ZFC3H1: variants seen among roughly 807,000 people sequenced by gnomAD.
ZFC3H1 encodes zinc finger C3H1 domain-containing protein.
In ZFC3H1, 71 loss-of-function variants were observed where a neutral mutation model predicts 243.7. The observed-to-expected ratio is 0.29, with a 90% CI of 0.24 to 0.36. The LOEUF (loss-of-function observed/expected upper bound fraction) is 0.36, where lower values mean the gene tolerates loss of function less well. Among genes scored for constraint, ZFC3H1 ranks in the 10% least tolerant of loss-of-function variants. The pLI, the probability that ZFC3H1 is intolerant of heterozygous loss-of-function variation, is 1.00. For missense variants in ZFC3H1, 1,966 were observed against 2,317.1 expected (o/e 0.85, Z 3.11); for synonymous variants, 838 against 813.0 (o/e 1.03, Z -0.52).
chr12:71,629,666 A>C lies in ZFC3H1; in HGVS notation c.3769T>G (p.Ser1257Ala), dbSNP rs370214739. ...KLFGVNKDRMSMDQMAVLLVS... is the reference protein window; with the variant it reads ...KLFGVNKDRMAMDQMAVLLVS... ...AGGAGAACAGCCATCTGGTCCATTG[A>C]CATTCGATCTTTGTTTACTCCAAAA... is the stretch of plus-strand genomic sequence containing the variant. The change falls in exon 19 of 35, where the codon TCA becomes GCA. Residue 1257 changes from serine (S) to alanine (A), a missense_variant. Physicochemically the swap from Ser to Ala is moderately conservative, Grantham distance 99. Around this residue, in one of 4 missense-constraint regions of ZFC3H1, gnomAD observed 1,383 missense variants for 1,723.7 expected, o/e 0.80. Coordinates refer to ENST00000378743, the MANE Select transcript of ZFC3H1 (RefSeq NM_144982.5). 2.0e-5 allele frequency: 33 copies of C among 1,613,422 alleles called. No homozygotes were observed. The highest frequency in any genetic ancestry group is 1.0e-4 in the Admixed American group (6 of 59,966).
rs1281134769 is a variant in ZFC3H1, at chr12:71,644,070, G to C, written c.1503+25C>G. 2.5e-6 allele frequency: 4 copies of C among 1,583,946 alleles called. No homozygotes were observed. In the Admixed American group the frequency reaches 6.8e-5, roughly 27 times the overall value. ...TTAAGGAAACTTAGAGTAACGTTTTGATTTTATATTTTTGCATTTCTTACT... is the reference window on the plus strand; with the variant it reads ...TTAAGGAAACTTAGAGTAACGTTTTCATTTTATATTTTTGCATTTCTTACT... On this transcript the variant is annotated intron_variant, in intron 5 of 34. Transcript: ENST00000378743.
chr12:71,659,489 C>T (rs542849562), intron 1 of ZFC3H1, among the ~76,000 whole-genome samples: 7 of 152,148 alleles, frequency 4.6e-5, no homozygotes, highest in Admixed American at 2.6e-4. Flanking sequence ...CTCCCTTCCC[C>T]TCTTACACAC....
chr12:71,612,778 T>C (rs562139709), intron 31 of ZFC3H1, among the ~76,000 whole-genome samples: 4 of 152,168 alleles, frequency 2.6e-5, no homozygotes, highest in African/African-American at 4.8e-5. Flanking sequence ...AGCATAATTC[T>C]TGCGGATGAA....
At chr12:71,662,567 G>A (rs1881211599) in intron 1 of ZFC3H1, among the ~76,000 whole-genome samples, 1 of 142,682 alleles carries the variant, frequency 7.0e-6, no homozygotes, top group Admixed American at 7.3e-5. Context: ...AAATAGTGCA[G>A]GACTGTGCAG....
At chr12:71,644,797 G>T in intron 4 of ZFC3H1, 80 bp downstream of exon 4, 4 of 1,498,916 alleles carry the variant, frequency 2.7e-6, no homozygotes, top group South Asian at 1.3e-5. Flanking sequence ...CAGCCTGGGC[G>T]ACAAGAGCAA....
intron 22 of ZFC3H1, among the ~76,000 whole-genome samples, chr12:71,624,911 G>T (rs1218570335): frequency 6.6e-6 from 1 of 152,176 alleles, no homozygotes; most frequent in Non-Finnish European, 1.5e-5. Flanking sequence ...AGGTTGCAGT[G>T]AGCCAACATC....
intron 24 of ZFC3H1, among the ~76,000 whole-genome samples, chr12:71,622,250 G>A (rs1880049126): frequency 6.6e-6 from 1 of 151,998 alleles, no homozygotes; most frequent in African/African-American, 2.4e-5. Flanking sequence ...ATCCTTACAG[G>A]CCCTTAGGAG....
At chr12:71,645,805 T>A (rs907170586) in intron 3 of ZFC3H1, among the ~76,000 whole-genome samples, 13 of 152,172 alleles carry the variant, frequency 8.5e-5, no homozygotes, top group African/African-American at 1.7e-4. Context: ...CGAAATAGTT[T>A]AAAAAATTAA....
rs1390587615 is a variant in ZFC3H1, at chr12:71,645,108, T to A, written c.1081-33A>T. On this transcript the variant is annotated intron_variant, in intron 3 of 34. Transcript: ENST00000378743. ...GCAAAAAGAAAGAGCTAAAATTTTT[T>A]AATTCTATTATTTAGCTTACACATT... 2.6e-6 allele frequency: 4 copies of A among 1,531,828 alleles called. No homozygotes were observed. The Admixed American group carries it at 6.8e-5, about 26-fold the overall frequency. The allele number at this position is 1,531,828 out of a possible 1,614,324, so 94.9% of individuals were successfully genotyped here.
Position 71,611,757 on chromosome 12 carries a change from T to C in ZFC3H1, c.5729+29A>G, listed in dbSNP as rs996581528. 19 of 1,517,642 alleles carry C rather than the reference T, an allele frequency of 1.3e-5. No homozygotes were observed. In the Middle Eastern group the frequency reaches 5.5e-4, roughly 44 times the overall value. The allele number at this position is 1,517,642 out of a possible 1,614,324, so 94.0% of individuals were successfully genotyped here. A position where few individuals can be genotyped will look rare whatever the true frequency, so the allele number is the denominator to read the frequency against. On this transcript the variant is annotated intron_variant, in intron 32 of 34. Coordinates refer to ENST00000378743, the MANE Select transcript of ZFC3H1 (RefSeq NM_144982.5). The stretch of plus-strand genomic sequence containing the variant: ...ACCTTATAAATAAAAGCAATAGCTA[T>C]AAAAACATGTACATGATTGTTGCAT...
At chr12:71,642,231 AG>A (rs2086693038) in intron 6 of ZFC3H1, among the ~76,000 whole-genome samples, 5 of 152,348 alleles carry the variant, frequency 3.3e-5, no homozygotes, top group African/African-American at 1.2e-4. Context: ...AAGGCTATCT[AG>A]AAACACTCGG....
At position 71,644,587 on chromosome 12, in the gene ZFC3H1, C is replaced by T. The variant is rs143484840; in HGVS notation, c.1280-269G>A. Among the ~76,000 whole-genome samples the T allele has an allele frequency of 2.4e-4, 37 of 152,232 alleles. No homozygotes were observed. The East Asian group carries it at 5.2e-3, about 21-fold the overall frequency. On this transcript the variant is annotated intron_variant, in intron 4 of 34. Coordinates refer to ENST00000378743, the MANE Select transcript of ZFC3H1 (RefSeq NM_144982.5). ...ATCCCAGCACTTTGGGAGGCTGAGG[C>T]GAGTGGATCACCTGACGTCAGGAGT... is the stretch of plus-strand genomic sequence containing the variant.
intron 3 of ZFC3H1, among the ~76,000 whole-genome samples, chr12:71,645,849 A>G (rs920702327): frequency 6.6e-6 from 1 of 152,254 alleles, no homozygotes; most frequent in Non-Finnish European, 1.5e-5. Context: ...AATAGAACTG[A>G]AAAATGTCAG....
intron 24 of ZFC3H1, 135 bp downstream of exon 24, chr12:71,623,225 G>A: frequency 1.3e-6 from 1 of 746,298 alleles, no homozygotes; most frequent in Non-Finnish European, 2.0e-6. Flanking sequence ...CTAATAAATT[G>A]TGAAACTAAA....
intron 3 of ZFC3H1, 63 bp from the exon 4 acceptor site, chr12:71,645,138 C>A: frequency 1.4e-6 from 2 of 1,424,316 alleles, no homozygotes. Context: ...CACATTTCAT[C>A]AAGTCAAATC....
chr12:71,645,784 C>T (rs1281390035), intron 3 of ZFC3H1, among the ~76,000 whole-genome samples: 1 of 152,152 alleles, frequency 6.6e-6, no homozygotes, highest in African/African-American at 2.4e-5. Context: ...ATAACTTTTG[C>T]ATTTCACTTT....
chr12:71,629,760 T>A, intron 18 of ZFC3H1, 50 bp from the exon 19 acceptor site: 2 of 1,166,412 alleles, frequency 1.7e-6, no homozygotes, highest in African/African-American at 1.5e-5. Flanking sequence ...TTACAGAGAC[T>A]AGGATAATTA....
In ZFC3H1 at chr12:71,616,192, C is replaced by T. The variant is rs994283396; in HGVS notation, c.5145-876G>A. Among the ~76,000 whole-genome samples, 9 of 152,020 alleles carry T rather than the reference C, an allele frequency of 5.9e-5. No homozygotes were observed. The East Asian group carries it at 1.2e-3, about 20-fold the overall frequency. On this transcript the variant is annotated intron_variant, in intron 27 of 34. Transcript: ENST00000378743. The stretch of plus-strand genomic sequence containing the variant: ...GCACACCTACAGTCCCAGCTACTCC[C>T]GGGCTGAGGTGGGAGAATAGCTTGA...
At chr12:71,626,835 A>T (rs1384808544) in intron 21 of ZFC3H1, among the ~76,000 whole-genome samples, 1 of 152,226 alleles carries the variant, frequency 6.6e-6, no homozygotes, top group Non-Finnish European at 1.5e-5. Flanking sequence ...CAAGTACAAA[A>T]TATCAAAGCT....
Sources: gnomAD v4.1 joint callset for allele counts (sites outside exome capture counted in the v4.1 genomes callset) on GRCh38, gnomAD v4.1.1 for gene constraint, gnomAD v4.1.1 regional missense constraint, MANE v1.5 for transcripts, NCBI Gene and HGNC (gene_info 2026-07-23, HGNC 2026-07-21) for gene names.